The following RBMS1 variants were observed in gnomAD, a reference collection of about 807,000 sequenced individuals.
RBMS1 encodes RNA binding motif single stranded interacting protein 1.
RBMS1 carries 17 observed loss-of-function variants against 62.3 expected under a neutral mutation model. The ratio of observed to expected loss-of-function variants is 0.27; its 90% CI spans 0.19 to 0.41. The LOEUF (loss-of-function observed/expected upper bound fraction) is 0.41, where lower values mean the gene tolerates loss of function less well. Among genes scored for constraint, RBMS1 ranks in the 10% least tolerant of loss-of-function variants. The pLI, the probability that RBMS1 is intolerant of heterozygous loss-of-function variation, is 1.00. For missense variants in RBMS1, 334 were observed against 504.5 expected, an observed-to-expected ratio of 0.66 and a Z score of 3.24; for synonymous variants, 172 against 170.0, an observed-to-expected ratio of 1.01 and a Z score of -0.09.
At chr2:160,320,077 A>G (rs1459376652) in intron 2 of RBMS1, among the ~76,000 whole-genome samples, 1 of 152,262 alleles carries the variant, frequency 6.6e-6, no homozygotes, top group South Asian at 2.1e-4. Flanking sequence ...TGATCTAAAG[A>G]CAACCTTTCA....
In RBMS1 at chr2:160,303,457, T is replaced by C; in HGVS notation, c.433A>G (p.Ile145Val). ...QQEQDPTNLY[I>V]SNLPLSMDEQ... is the part of the protein sequence containing the mutation. ...TCCATGGAGAGTGGCAAATTAGAAA[T>C]GTAGAGGTTGGTAGGATCTTGTTCC... The change falls in exon 5 of 14, where the codon ATT becomes GTT. Residue 145 changes from isoleucine to valine, a missense_variant. Coordinates refer to ENST00000348849, the MANE Select transcript of RBMS1 (RefSeq NM_016836.4). The C allele has an allele frequency of 6.2e-7, 1 of 1,612,636 alleles. No homozygotes were observed. Among genetic ancestry groups the C allele is most frequent in the Non-Finnish European group, 8.5e-7 (1 of 1,179,436 alleles).
intron 4 of RBMS1, among the ~76,000 whole-genome samples, chr2:160,309,899 C>A (rs1388512336): frequency 6.6e-6 from 1 of 152,148 alleles, no homozygotes; most frequent in Non-Finnish European, 1.5e-5. Flanking sequence ...CTACTTGGAG[C>A]AGACCTAATC....
At chr2:160,426,285 GAAA>G (rs1682598115) in intron 1 of RBMS1, among the ~76,000 whole-genome samples, 3 of 100,136 alleles carry the variant, frequency 3.0e-5, no homozygotes, top group East Asian at 5.7e-4. Context: ...AAGAAAGAAA[GAAA>G]GAAAAGAAAG....
intron 1 of RBMS1, among the ~76,000 whole-genome samples, chr2:160,387,637 A>C (rs1694653591): frequency 6.6e-6 from 1 of 152,136 alleles, no homozygotes; most frequent in Non-Finnish European, 1.5e-5. Flanking sequence ...AGGGTCAACA[A>C]AAAGAAAGAA....
intron 2 of RBMS1, among the ~76,000 whole-genome samples, chr2:160,320,989 T>A (rs762805167): frequency 2.2e-4 from 33 of 151,928 alleles, no homozygotes; most frequent in South Asian, 6.2e-4. Flanking sequence ...TCACAGTGAT[T>A]AAGAGACTGC....
intron 2 of RBMS1, among the ~76,000 whole-genome samples, chr2:160,340,610 T>G (rs1001442434): frequency 2.6e-5 from 4 of 151,942 alleles, no homozygotes; most frequent in African/African-American, 9.7e-5. Context: ...TAGGAAGAAA[T>G]GTAGGTAAGA....
At chr2:160,377,214 T>C (rs561967923) in intron 1 of RBMS1, among the ~76,000 whole-genome samples, 37 of 152,286 alleles carry the variant, frequency 2.4e-4, no homozygotes, top group African/African-American at 8.7e-4. Context: ...TGTGAAACAA[T>C]ATTTTCCTTT....
Position 160,452,169 on chromosome 2 carries a change from G to C in RBMS1, c.75+41120C>G, listed in dbSNP as rs948637324. ...AGAAAATCAGATCAGTTATGAGAAG[G>C]CTCTATGGAATTACTGGAACTTAGA... On this transcript the variant is annotated intron_variant, in intron 1 of 13. Coordinates refer to ENST00000348849, the MANE Select transcript of RBMS1 (RefSeq NM_016836.4). Among the ~76,000 whole-genome samples, 10 of 151,922 alleles carry C rather than the reference G, an allele frequency of 6.6e-5. 1 individual carries two copies. Among genetic ancestry groups the C allele is most frequent in the South Asian group, 2.1e-4 (1 of 4,814 alleles).
chr2:160,326,140 A>T (rs1690913121), intron 2 of RBMS1, among the ~76,000 whole-genome samples: 1 of 152,192 alleles, frequency 6.6e-6, no homozygotes, highest in Admixed American at 6.5e-5. Flanking sequence ...GGTCAGAAAC[A>T]ACTGAAAACC....
intron 1 of RBMS1, among the ~76,000 whole-genome samples, chr2:160,472,155 G>A (rs1467573363): frequency 1.3e-5 from 2 of 151,968 alleles, no homozygotes; most frequent in African/African-American, 4.8e-5. Flanking sequence ...CTTCCTCCTC[G>A]TTTTGAGTCA....
chr2:160,337,978 G>A (rs914786157), intron 2 of RBMS1, among the ~76,000 whole-genome samples: 5 of 152,124 alleles, frequency 3.3e-5, no homozygotes, highest in Admixed American at 1.3e-4. Flanking sequence ...GCCCACAATC[G>A]TACATGGAAT....
At chr2:160,468,295 G>A (rs1684778004) in intron 1 of RBMS1, among the ~76,000 whole-genome samples, 1 of 152,146 alleles carries the variant, frequency 6.6e-6, no homozygotes, top group Non-Finnish European at 1.5e-5. Flanking sequence ...GAAATTGAAG[G>A]CACGACCCCT....
chr2:160,412,700 A>G (rs1223535556), intron 1 of RBMS1, among the ~76,000 whole-genome samples: 1 of 152,248 alleles, frequency 6.6e-6, no homozygotes, highest in Admixed American at 6.5e-5. Context: ...GGGAGAGATC[A>G]ATATTGGATA....
intron 13 of RBMS1, 31 bp downstream of exon 13, chr2:160,275,599 C>T (rs368294134): frequency 7.5e-6 from 12 of 1,603,542 alleles, no homozygotes; most frequent in South Asian, 5.6e-5. Flanking sequence ...TTGATTTGAG[C>T]CCCCCAGTTA....
intron 2 of RBMS1, among the ~76,000 whole-genome samples, chr2:160,341,311 T>G (rs1461061614): frequency 6.6e-6 from 1 of 152,182 alleles, no homozygotes; most frequent in Non-Finnish European, 1.5e-5. Flanking sequence ...AATGACATTG[T>G]GATAAACACC....
intron 1 of RBMS1, among the ~76,000 whole-genome samples, chr2:160,485,491 C>T (rs1424371791): frequency 6.6e-6 from 1 of 152,170 alleles, no homozygotes; most frequent in Non-Finnish European, 1.5e-5. Flanking sequence ...AAGTGGGTTA[C>T]TTTTACAGAC....
At chr2:160,412,500 T>C (rs1363160705) in intron 1 of RBMS1, among the ~76,000 whole-genome samples, 2 of 152,234 alleles carry the variant, frequency 1.3e-5, no homozygotes, top group African/African-American at 4.8e-5. Flanking sequence ...CTAAGTCTTA[T>C]GCTCTCTAAA....
chr2:160,410,977 C>T (rs1407919408), intron 1 of RBMS1, among the ~76,000 whole-genome samples: 1 of 152,210 alleles, frequency 6.6e-6, no homozygotes, highest in East Asian at 1.9e-4. Flanking sequence ...CTCTTGACCT[C>T]GTGATCCGCC....
intron 5 of RBMS1, 50 bp downstream of exon 5, chr2:160,303,280 T>C (rs747002757): frequency 6.8e-5 from 101 of 1,489,942 alleles, no homozygotes; most frequent in Non-Finnish European, 7.8e-5. Context: ...CCAAGATAAC[T>C]TGGCAAAGCT....
Sources: gnomAD v4.1 joint callset for allele counts (sites outside exome capture counted in the v4.1 genomes callset) on GRCh38, gnomAD v4.1.1 for gene constraint, MANE v1.5 for transcripts, NCBI Gene and HGNC (gene_info 2026-07-23, HGNC 2026-07-21) for gene names.